ZFP2: variants seen among roughly 807,000 people sequenced by gnomAD.
The protein encoded by ZFP2 is ZFP2 zinc finger protein.
A neutral mutation model predicts 36.1 loss-of-function variants in ZFP2; 33 were observed. The observed-to-expected ratio is 0.92, with a 90% confidence interval of 0.69 to 1.22. The LOEUF (loss-of-function observed/expected upper bound fraction) is 1.22. Ranked by LOEUF, ZFP2 falls within the 50% of genes most tolerant of loss-of-function variation. The probability of loss-of-function intolerance (pLI) is 0.00; values close to 1 mark genes in which losing one functional copy is unlikely to be tolerated. For synonymous variants in ZFP2, 170 were observed against 178.0 expected (o/e 0.96, Z 0.36); for missense variants, 522 against 551.4 (o/e 0.95, Z 0.53).
At position 178,912,708 on chromosome 5, in the gene ZFP2, C is replaced by T. The variant is rs935442286; in HGVS notation, c.-325C>T. 148 of 1,063,896 alleles carry T rather than the reference C, an allele frequency of 1.4e-4. No homozygotes were observed. Among genetic ancestry groups the T allele is most frequent in the South Asian group, 3.2e-4 (9 of 28,338 alleles). 65.9% of individuals were successfully genotyped at this position (1,063,896 alleles called of 1,614,324 possible). A position where few individuals can be genotyped will look rare whatever the true frequency, so the allele number is the denominator to read the frequency against. ...GTGATGCTGGAGAACTACAGGAACC[C>T]GGTCTCACTGGGTAAGGACTTCTTG... On this transcript the variant is annotated 5_prime_UTR_variant, in exon 2 of 5. Coordinates refer to ENST00000361362, the MANE Select transcript of ZFP2 (RefSeq NM_030613.4).
chr5:178,916,464 G>T (rs1042993841), intron 3 of ZFP2, 101 bp from the exon 4 acceptor site: 3 of 653,274 alleles, frequency 4.6e-6, no homozygotes, highest in Non-Finnish European at 5.7e-6. Flanking sequence ...GAGCAGAGAG[G>T]TGTCCATTGC....
At chr5:178,900,077 C>G (rs1275370191) in intron 1 of ZFP2, among the ~76,000 whole-genome samples, 1 of 152,140 alleles carries the variant, frequency 6.6e-6, no homozygotes, top group African/African-American at 2.4e-5. Context: ...AAAGGGGAAG[C>G]ATTAAGAAGA....
At chr5:178,907,778 T>C (rs533105395) in intron 1 of ZFP2, among the ~76,000 whole-genome samples, 170 of 152,126 alleles carry the variant, frequency 1.1e-3, no homozygotes, top group Admixed American at 1.7e-3. Flanking sequence ...ACTTACAACA[T>C]GAAAATACAG....
intron 1 of ZFP2, among the ~76,000 whole-genome samples, chr5:178,903,007 T>C (rs1758091914): frequency 6.6e-6 from 1 of 152,238 alleles, no homozygotes; most frequent in South Asian, 2.1e-4. Context: ...AGACACTTGA[T>C]AGCAGCTGAT....
At chr5:178,917,716 C>A (rs571085907) in intron 4 of ZFP2, among the ~76,000 whole-genome samples, 10 of 152,256 alleles carry the variant, frequency 6.6e-5, no homozygotes, top group African/African-American at 2.4e-4. Context: ...GAAACATACA[C>A]AGAGAATTTA....
intron 1 of ZFP2, among the ~76,000 whole-genome samples, chr5:178,899,116 A>G (rs1757995716): frequency 6.6e-6 from 1 of 151,834 alleles, no homozygotes; most frequent in Non-Finnish European, 1.5e-5. Context: ...AGGGGTTGGG[A>G]AGGGATAACT....
intron 4 of ZFP2, among the ~76,000 whole-genome samples, chr5:178,918,658 G>A (rs1246436376): frequency 2.0e-5 from 3 of 152,160 alleles, no homozygotes; most frequent in East Asian, 1.9e-4. Flanking sequence ...AAGCCGTTAA[G>A]GGAGTATTGA....
intron 1 of ZFP2, among the ~76,000 whole-genome samples, chr5:178,908,488 A>C (rs1223505812): frequency 6.6e-6 from 1 of 151,874 alleles, no homozygotes; most frequent in Non-Finnish European, 1.5e-5. Context: ...CAACCATGTA[A>C]ATAGCGCTAC....
chr5:178,927,146 C>G (rs945032563), intron 4 of ZFP2, among the ~76,000 whole-genome samples: 42 of 152,292 alleles, frequency 2.8e-4, no homozygotes, highest in Non-Finnish European at 5.3e-4. Context: ...AAATTCAAGT[C>G]TGAGTAGCTA....
chr5:178,902,361 A>G (rs1019220336), intron 1 of ZFP2, among the ~76,000 whole-genome samples: 1 of 152,226 alleles, frequency 6.6e-6, no homozygotes. Flanking sequence ...TCGATACAAT[A>G]CTATTAGCCA....
At chr5:178,929,691 T>C (rs1758775622) in intron 4 of ZFP2, among the ~76,000 whole-genome samples, 1 of 152,190 alleles carries the variant, frequency 6.6e-6, no homozygotes, top group Non-Finnish European at 1.5e-5. Context: ...AACTCTCTCT[T>C]ATCTTCCTAT....
chr5:178,904,605 T>C (rs35029652), intron 1 of ZFP2, among the ~76,000 whole-genome samples: 1 of 150,716 alleles, frequency 6.6e-6, no homozygotes, highest in Non-Finnish European at 1.5e-5. Context: ...TTAAAATTTA[T>C]ATATATGTTT....
intron 4 of ZFP2, among the ~76,000 whole-genome samples, chr5:178,921,768 G>A (rs1758566013): frequency 6.7e-6 from 1 of 149,158 alleles, no homozygotes; most frequent in Admixed American, 6.7e-5. Context: ...TGGTTCAGTG[G>A]TACTTTGGAT....
At chr5:178,899,395 C>T (rs79848194) in intron 1 of ZFP2, among the ~76,000 whole-genome samples, 21,410 of 152,054 alleles carry the variant, frequency 0.14, 1,775 homozygotes, top group African/African-American at 0.23. Context: ...TGGCATGGCT[C>T]CTGGAATGTT....
intron 4 of ZFP2, among the ~76,000 whole-genome samples, chr5:178,927,365 C>G (rs986632916): frequency 3.9e-5 from 6 of 152,260 alleles, no homozygotes; most frequent in African/African-American, 1.2e-4. Flanking sequence ...GTTTAAGTTT[C>G]ATGTATGTTC....
At position 178,932,631 on chromosome 5, in the gene ZFP2, T is replaced by G; in HGVS notation, c.1318T>G (p.Cys440Gly). Residue 440 changes from cysteine (C) to glycine (G), a missense_variant, in exon 5 of 5, where the codon TGT becomes GGT. Coordinates refer to ENST00000361362, the MANE Select transcript of ZFP2 (RefSeq NM_030613.4). ...RTHTGEKPYQ[C>G]NECGKAFSRS... ...TCATACAGGAGAGAAACCCTATCAG[T>G]GTAATGAATGCGGAAAAGCCTTCAG... The G allele has an allele frequency of 1.2e-6, 2 of 1,613,682 alleles. No individual in the cohort carries two copies.
intron 3 of ZFP2, among the ~76,000 whole-genome samples, chr5:178,914,634 G>C (rs1758379752): frequency 6.6e-6 from 1 of 152,064 alleles, no homozygotes; most frequent in Admixed American, 6.6e-5. Context: ...TATTCTAATG[G>C]GGAGACAATA....
At chr5:178,903,906 G>T (rs1056541250) in intron 1 of ZFP2, among the ~76,000 whole-genome samples, 1 of 152,130 alleles carries the variant, frequency 6.6e-6, no homozygotes, top group Non-Finnish European at 1.5e-5. Context: ...CAGGAGAATC[G>T]GTTGAACCCG....
In ZFP2 at chr5:178,932,778, TAAATG is replaced by T; in HGVS notation, c.*80_*84del. Reference sequence around the variant, plus strand: ...TGAGACATACAATGTAGAAACCTAATAAATGTAATGATTGTGGGAATCTTTCAGTT... The same window carrying T: ...TGAGACATACAATGTAGAAACCTAATTAATGATTGTGGGAATCTTTCAGTT... On this transcript the variant is annotated 3_prime_UTR_variant, in exon 5 of 5. Coordinates refer to ENST00000361362, the MANE Select transcript of ZFP2 (RefSeq NM_030613.4). The T allele has an allele frequency of 6.8e-7, 1 of 1,475,522 alleles. No homozygotes were observed. Among genetic ancestry groups the T allele is most frequent in the Non-Finnish European group, 9.0e-7 (1 of 1,106,230 alleles). The allele number at this position is 1,475,522 out of a possible 1,614,324, so 91.4% of individuals were successfully genotyped here. A position where few individuals can be genotyped will look rare whatever the true frequency, so the allele number is the denominator to read the frequency against.
Sources: allele counts gnomAD v4.1 joint callset (sites outside exome capture counted in the v4.1 genomes callset), GRCh38; gene constraint gnomAD v4.1.1; transcripts MANE v1.5; gene names NCBI Gene and HGNC (gene_info 2026-07-23, HGNC 2026-07-21).